The following TESK2 variants were observed in gnomAD, a reference collection of about 807,000 sequenced individuals.
The protein encoded by TESK2 is dual specificity testis-specific protein kinase 2.
TESK2 carries 39 observed loss-of-function variants against 57.1 expected under a neutral mutation model. The ratio of observed to expected loss-of-function variants is 0.68; its 90% confidence interval spans 0.53 to 0.89. TESK2 has a LOEUF of 0.89. Ranked by LOEUF, TESK2 falls within the 40% of genes least tolerant of loss-of-function variation. The probability of loss-of-function intolerance (pLI) is 0.00; values close to 1 mark genes in which losing one functional copy is unlikely to be tolerated. For synonymous variants in TESK2, 249 were observed against 267.9 expected, an observed-to-expected ratio of 0.93 and a Z score of 0.69; for missense variants, 646 against 732.1, an observed-to-expected ratio of 0.88 and a Z score of 1.36.
In TESK2 at chr1:45,385,909, T is replaced by C; in HGVS notation, c.393+3A>G. The C allele has an allele frequency of 6.3e-7, 1 of 1,599,708 alleles. No homozygotes were observed. Among genetic ancestry groups the C allele is most frequent in the Admixed American group, 1.7e-5 (1 of 58,636 alleles). Reference sequence around the variant, plus strand: ...GTTACTTCAACACTTACTGATGTCTTACCTCTGTAAGTGCATGCAATTGTC... The same window carrying C: ...GTTACTTCAACACTTACTGATGTCTCACCTCTGTAAGTGCATGCAATTGTC... On this transcript the variant is annotated splice_donor_region_variant and intron_variant, in intron 4 of 10. Coordinates refer to ENST00000372086, the MANE Select transcript of TESK2 (RefSeq NM_007170.3).
At position 45,344,605 on chromosome 1, in the gene TESK2, T is replaced by A. The variant is rs577716344; in HGVS notation, c.*235A>T. The A allele has an allele frequency of 1.9e-5, 10 of 533,814 alleles. No individual in the cohort carries two copies. The South Asian group carries it at 2.4e-4, about 13-fold the overall frequency. 33.1% of individuals were successfully genotyped at this position (533,814 alleles called of 1,614,324 possible). ...GAGAGGGTCTGGTGGGAGGCAGACC[T>A]CCTTGCTGGATTTCAGAGGCTTGGT... On this transcript the variant is annotated 3_prime_UTR_variant, in exon 11 of 11. Coordinates refer to ENST00000372086, the MANE Select transcript of TESK2 (RefSeq NM_007170.3).
chr1:45,399,973 G>C (rs137977809), intron 3 of TESK2, among the ~76,000 whole-genome samples: 1 of 152,290 alleles, frequency 6.6e-6, no homozygotes, highest in East Asian at 1.9e-4. Context: ...TTCCTAATGG[G>C]ATACTGAGGT....
intron 4 of TESK2, among the ~76,000 whole-genome samples, chr1:45,375,819 C>A (rs1648399013): frequency 6.6e-6 from 1 of 152,104 alleles, no homozygotes; most frequent in Non-Finnish European, 1.5e-5. Context: ...ATTCCCAGTA[C>A]CTGGAATAGT....
chr1:45,480,588 A>C (rs1158640580), intron 1 of TESK2, among the ~76,000 whole-genome samples: 1 of 152,010 alleles, frequency 6.6e-6, no homozygotes, highest in Non-Finnish European at 1.5e-5. Flanking sequence ...TGGAAACATA[A>C]ATGTCCATTA....
At chr1:45,437,347 A>AT (rs1651275439) in intron 2 of TESK2, among the ~76,000 whole-genome samples, 1 of 151,572 alleles carries the variant, frequency 6.6e-6, no homozygotes, top group African/African-American at 2.4e-5. Flanking sequence ...TGCCTTCTAG[A>AT]TTTTTTTCAG....
intron 1 of TESK2, among the ~76,000 whole-genome samples, chr1:45,465,504 G>T: frequency 6.6e-6 from 1 of 151,636 alleles, no homozygotes; most frequent in East Asian, 1.9e-4. Context: ...AAGAAAGAGA[G>T]AGACAAAGAA....
chr1:45,451,500 C>A (rs1184372406), intron 2 of TESK2, among the ~76,000 whole-genome samples: 5 of 152,162 alleles, frequency 3.3e-5, no homozygotes, highest in Non-Finnish European at 2.9e-5. Context: ...GCATTCCTAG[C>A]CACATGCTGC....
chr1:45,461,849 C>T (rs760119628), intron 1 of TESK2, among the ~76,000 whole-genome samples: 1 of 152,108 alleles, frequency 6.6e-6, no homozygotes, highest in Non-Finnish European at 1.5e-5. Context: ...TATTTTGATA[C>T]AGGCATACAA....
intron 4 of TESK2, among the ~76,000 whole-genome samples, chr1:45,365,057 G>A (rs1282773550): frequency 6.6e-6 from 1 of 152,192 alleles, no homozygotes; most frequent in Non-Finnish European, 1.5e-5. Flanking sequence ...ATGTTTGTTG[G>A]TAGGCTCCAA....
At chr1:45,351,507 A>G (rs535372733) in intron 5 of TESK2, among the ~76,000 whole-genome samples, 21 of 152,352 alleles carry the variant, frequency 1.4e-4, no homozygotes, top group African/African-American at 5.1e-4. Flanking sequence ...GAAACTAGGG[A>G]TCTTTTTGCT....
intron 1 of TESK2, among the ~76,000 whole-genome samples, chr1:45,477,416 A>C (rs570170714): frequency 6.6e-6 from 1 of 152,256 alleles, no homozygotes; most frequent in East Asian, 1.9e-4. Context: ...TGAGGTCAGG[A>C]ATTCAAGACC....
intron 3 of TESK2, among the ~76,000 whole-genome samples, chr1:45,394,365 G>C (rs2149277784): frequency 7.4e-6 from 1 of 134,698 alleles, no homozygotes; most frequent in South Asian, 2.3e-4. Context: ...GGGTCTCACT[G>C]TGTTGCCTAG....
At chr1:45,456,281 G>A (rs1344776233) in intron 2 of TESK2, among the ~76,000 whole-genome samples, 1 of 152,140 alleles carries the variant, frequency 6.6e-6, no homozygotes, top group Non-Finnish European at 1.5e-5. Context: ...CACTTTGGGA[G>A]GCTGAGGTAG....
intron 3 of TESK2, among the ~76,000 whole-genome samples, chr1:45,394,986 G>C (rs1282166873): frequency 1.3e-5 from 2 of 151,718 alleles, no homozygotes; most frequent in African/African-American, 4.8e-5. Context: ...CACTGCACCC[G>C]GCCCCAACAG....
At chr1:45,490,727 A>T (rs1379840179) in intron 1 of TESK2, 125 bp downstream of exon 1, 1 of 152,160 alleles carries the variant, frequency 6.6e-6, no homozygotes, top group Non-Finnish European at 1.5e-5. Context: ...TGGGAAGCCG[A>T]GGGGTCCCGT....
chr1:45,368,161 AT>A (rs1373841852), intron 4 of TESK2, among the ~76,000 whole-genome samples: 3 of 140,884 alleles, frequency 2.1e-5, no homozygotes, highest in East Asian at 2.2e-4. Flanking sequence ...CACCCGGCTA[AT>A]TTTTTGTATA....
At chr1:45,384,917 C>G (rs1216419291) in intron 4 of TESK2, among the ~76,000 whole-genome samples, 1 of 152,056 alleles carries the variant, frequency 6.6e-6, no homozygotes, top group African/African-American at 2.4e-5. Flanking sequence ...GGCATAGCTG[C>G]ACACATTCCA....
At position 45,345,413 on chromosome 1, in the gene TESK2, A is replaced by G. The variant is rs1195923196; in HGVS notation, c.1143T>C (p.Ser381=). The stretch of plus-strand genomic sequence containing the variant: ...GTGGCCGGTAGTATGGGTCCAAGAC[A>G]CTCACTGTACGTGGGGGCTTACGGG... ...IFSRKPPRTV[S]VLDPYYRPRD... The change falls in exon 11 of 11, where the codon AGT becomes AGC. Residue 381 remains serine (S), a synonymous_variant. Transcript: ENST00000372086. 1.9e-6 allele frequency: 3 copies of G among 1,613,914 alleles called. No homozygotes were observed. The African/African-American group carries it at 4.0e-5, about 22-fold the overall frequency.
intron 3 of TESK2, among the ~76,000 whole-genome samples, chr1:45,407,688 C>G (rs1039924066): frequency 2.0e-5 from 3 of 152,120 alleles, no homozygotes; most frequent in African/African-American, 4.8e-5. Flanking sequence ...TTGCCTGCAG[C>G]CATGTAAGAT....
Sources: gnomAD v4.1 joint callset for allele counts (sites outside exome capture counted in the v4.1 genomes callset) on GRCh38, gnomAD v4.1.1 for gene constraint, MANE v1.5 for transcripts, NCBI Gene and HGNC (gene_info 2026-07-23, HGNC 2026-07-21) for gene names.